CUL2: variants seen among roughly 807,000 people sequenced by gnomAD.
CUL2 encodes cullin 2.
CUL2 carries 22 observed loss-of-function variants against 110.2 expected under a neutral mutation model. The ratio of observed to expected loss-of-function variants is 0.20; its 90% CI spans 0.14 to 0.28. The LOEUF (loss-of-function observed/expected upper bound fraction) is 0.28. Among genes scored for constraint, CUL2 ranks in the 10% least tolerant of loss-of-function variants. CUL2 has a pLI of 1.00. For missense variants in CUL2, 631 were observed against 905.5 expected (o/e 0.70, Z 3.89); for synonymous variants, 279 against 293.2 (o/e 0.95, Z 0.49).
At chr10:35,125,742 T>G (rs186562911) in intron 1 of CUL2, among the ~76,000 whole-genome samples, 1 of 152,396 alleles carries the variant, frequency 6.6e-6, no homozygotes, top group Admixed American at 6.5e-5. Context: ...GTTGTTTGGC[T>G]TAAAGCCATG....
chr10:35,052,066 G>A, intron 5 of CUL2, among the ~76,000 whole-genome samples: 1 of 152,068 alleles, frequency 6.6e-6, no homozygotes, highest in East Asian at 1.9e-4. Context: ...TCCCCACATA[G>A]AGTATAAATT....
At chr10:35,058,197 A>T (rs1163229238) in intron 4 of CUL2, among the ~76,000 whole-genome samples, 2 of 152,222 alleles carry the variant, frequency 1.3e-5, no homozygotes, top group African/African-American at 4.8e-5. Context: ...TGATTCTATA[A>T]AGGGAAATAA....
At chr10:35,061,392 T>C (rs1269781500) in intron 3 of CUL2, among the ~76,000 whole-genome samples, 2 of 150,670 alleles carry the variant, frequency 1.3e-5, no homozygotes, top group Non-Finnish European at 3.0e-5. Flanking sequence ...GGAGAATCAC[T>C]TGAACCCGAT....
intron 1 of CUL2, among the ~76,000 whole-genome samples, chr10:35,124,609 C>T (rs980612203): frequency 6.6e-6 from 1 of 152,084 alleles, no homozygotes; most frequent in Non-Finnish European, 1.5e-5. Context: ...TGTAAATGTG[C>T]AACCCGGAAT....
chr10:35,011,730 C>G (rs2084907103), intron 20 of CUL2, 118 bp downstream of exon 20: 1 of 599,682 alleles, frequency 1.7e-6, no homozygotes, highest in Non-Finnish European at 3.0e-6. Context: ...TGAAACATTT[C>G]TTTATGCTAT....
intron 9 of CUL2, 31 bp from the exon 10 acceptor site, chr10:35,035,327 T>C: frequency 6.2e-7 from 1 of 1,608,518 alleles, no homozygotes; most frequent in Non-Finnish European, 8.5e-7. Flanking sequence ...GAGGGTTAAC[T>C]CCCAAATATT....
At chr10:35,073,342 T>C (rs968705954) in intron 1 of CUL2, among the ~76,000 whole-genome samples, 1 of 152,168 alleles carries the variant, frequency 6.6e-6, no homozygotes, top group Non-Finnish European at 1.5e-5. Context: ...CATGCCTCCT[T>C]CTCTTCCTTG....
Position 35,114,082 on chromosome 10 carries a change from G to GT in CUL2, c.-51+12522dup, listed in dbSNP as rs112847858. 4.9e-3 allele frequency among the ~76,000 whole-genome samples: 681 copies of GT among 137,968 alleles called. 3 individuals carry two copies. Among genetic ancestry groups the GT allele is most frequent in the South Asian group, 0.018 (75 of 4,282 alleles). The allele number at this position is 137,968 out of a possible 152,430, so 90.5% of individuals were successfully genotyped here. Reference sequence around the variant, plus strand: ...GCCACCACACCTGGCTAATTTTTGGGTTTTTTTTTTTTGGTATCTTTAGTT... The same window carrying GT: ...GCCACCACACCTGGCTAATTTTTGGGTTTTTTTTTTTTTGGTATCTTTAGTT... On this transcript the variant is annotated intron_variant, in intron 1 of 5. Transcript: ENST00000685421.
intron 1 of CUL2, among the ~76,000 whole-genome samples, chr10:35,107,881 C>CAA (rs56140666): frequency 2.4e-5 from 1 of 42,136 alleles, no homozygotes; most frequent in African/African-American, 1.1e-4. Flanking sequence ...GACTCCATCT[C>CAA]AAAAAAAAAA....
Position 35,118,796 on chromosome 10 carries a change from A to G in CUL2, c.-51+7809T>C, listed in dbSNP as rs574622594. The G allele has an allele frequency of 3.3e-5, 5 of 152,384 alleles. No individual in the cohort carries two copies. In the East Asian group the frequency reaches 9.6e-4, roughly 29 times the overall value. 9.4% of individuals were successfully genotyped at this position (152,384 alleles called of 1,614,324 possible). ...GGTTTGTGCTGCTCCACAAGAGTTT[A>G]GGACTTGGGAAAAAGGTATATCTCA... is the stretch of plus-strand genomic sequence containing the variant. On this transcript the variant is annotated intron_variant, in intron 1 of 5. Transcript: ENST00000685421.
At chr10:35,115,386 C>G (rs2087581828) in intron 1 of CUL2, among the ~76,000 whole-genome samples, 1 of 150,018 alleles carries the variant, frequency 6.7e-6, no homozygotes, top group Non-Finnish European at 1.5e-5. Context: ...ATAATGAAAC[C>G]CCGTCTCTAC....
intron 17 of CUL2, among the ~76,000 whole-genome samples, chr10:35,017,459 C>T (rs992967087): frequency 5.9e-5 from 9 of 151,974 alleles, no homozygotes; most frequent in Non-Finnish European, 1.0e-4. Flanking sequence ...TTTGAAAGGC[C>T]GAGGTGGGCA....
At chr10:35,109,155 T>A (rs1290712573) in intron 1 of CUL2, among the ~76,000 whole-genome samples, 3 of 152,136 alleles carry the variant, frequency 2.0e-5, no homozygotes, top group Admixed American at 2.0e-4. Context: ...GAGGCTCCAG[T>A]GAGCCATGTT....
chr10:35,073,242 G>T (rs574151334), intron 1 of CUL2, among the ~76,000 whole-genome samples: 3 of 152,294 alleles, frequency 2.0e-5, no homozygotes, highest in Admixed American at 1.3e-4. Context: ...GATTAGCAGC[G>T]ATTTTACTCT....
At chr10:35,044,906 C>T (rs756467238) in intron 6 of CUL2, 38 bp from the exon 7 acceptor site, 2 of 1,490,556 alleles carry the variant, frequency 1.3e-6, no homozygotes, top group Non-Finnish European at 1.9e-6. Context: ...CTTGAGAATA[C>T]AAATTATCTA....
intron 1 of CUL2, among the ~76,000 whole-genome samples, chr10:35,075,176 C>T (rs61066279): frequency 8.0e-4 from 122 of 152,260 alleles, no homozygotes; most frequent in African/African-American, 2.8e-3. Context: ...TGGAAGCCAA[C>T]GTGCAAGAAG....
intron 1 of CUL2, among the ~76,000 whole-genome samples, chr10:35,072,992 G>T (rs1023872826): frequency 2.6e-5 from 4 of 152,114 alleles, no homozygotes; most frequent in Non-Finnish European, 5.9e-5. Context: ...TGGGCAAAGG[G>T]AGCGGGTAGG....
Position 35,119,080 on chromosome 10 carries a change from C to A in CUL2, c.-51+7525G>T, listed in dbSNP as rs562232875. On this transcript the variant is annotated intron_variant, in intron 1 of 5. Transcript: ENST00000685421. ...GGTTGATGTTTTCCAATGCTCCTTG[C>A]GTGTTCCTTTTATCTAACATTGGAT... Among the ~76,000 whole-genome samples the A allele has an allele frequency of 1.1e-4, 16 of 152,296 alleles. No individual in the cohort carries two copies. The East Asian group carries it at 3.1e-3, about 29-fold the overall frequency.
chr10:35,026,160 C>T (rs1245882855), intron 16 of CUL2, among the ~76,000 whole-genome samples: 1 of 152,154 alleles, frequency 6.6e-6, no homozygotes, highest in Non-Finnish European at 1.5e-5. Flanking sequence ...AGCCTATTTT[C>T]CCTCTAATGG....
Sources: gnomAD v4.1 joint callset for allele counts (sites outside exome capture counted in the v4.1 genomes callset) on GRCh38, gnomAD v4.1.1 for gene constraint, MANE v1.5 for transcripts, NCBI Gene and HGNC (gene_info 2026-07-23, HGNC 2026-07-21) for gene names.